Variants in MNAT1 observed in about 807,000 individuals in gnomAD.
MNAT1 encodes the protein CDK-activating kinase assembly factor MAT1.
MNAT1 carries 43 observed loss-of-function variants against 42.0 expected under a neutral mutation model. That is an observed-to-expected ratio of 1.02 (90% CI 0.80 to 1.32). MNAT1 has a LOEUF of 1.32. MNAT1 is among the 40% of genes most tolerant of loss of function. The pLI is 0.00. For synonymous variants in MNAT1, 118 were observed against 120.0 expected (o/e 0.98, Z 0.11); for missense variants, 306 against 350.4 (o/e 0.87, Z 1.01).
chr14:60,856,896 G>A (rs2033972942), intron 6 of MNAT1, among the ~76,000 whole-genome samples: 1 of 152,070 alleles, frequency 6.6e-6, no homozygotes, highest in African/African-American at 2.4e-5. Context: ...GGCCAGGCTG[G>A]TCTCGAACTC....
intron 7 of MNAT1, among the ~76,000 whole-genome samples, chr14:60,895,381 G>A (rs776445420): frequency 2.0e-5 from 3 of 152,162 alleles, no homozygotes; most frequent in East Asian, 1.9e-4. Context: ...CTGTTCATAA[G>A]GTATGAGGAT....
At chr14:60,891,889 C>T (rs909767453) in intron 7 of MNAT1, among the ~76,000 whole-genome samples, 5 of 152,000 alleles carry the variant, frequency 3.3e-5, no homozygotes, top group Admixed American at 6.6e-5. Context: ...ATTTTCCTTG[C>T]GATTTTTTTT....
chr14:60,779,483 T>C (rs2031368970), intron 1 of MNAT1, among the ~76,000 whole-genome samples: 1 of 152,102 alleles, frequency 6.6e-6, no homozygotes, highest in Non-Finnish European at 1.5e-5. Context: ...ACAAAATAAG[T>C]AGAATCCTTA....
At chr14:60,905,106 T>A (rs1172593633) in intron 7 of MNAT1, among the ~76,000 whole-genome samples, 10 of 151,842 alleles carry the variant, frequency 6.6e-5, no homozygotes, top group Admixed American at 1.3e-4. Flanking sequence ...AGCAAATAGT[T>A]ATGAAGTGCC....
chr14:60,947,649 C>T (rs993516275), intron 7 of MNAT1, among the ~76,000 whole-genome samples: 7 of 152,160 alleles, frequency 4.6e-5, no homozygotes, highest in Non-Finnish European at 1.0e-4. Flanking sequence ...TGCCACTGCA[C>T]TCCAGCCTCG....
intron 6 of MNAT1, among the ~76,000 whole-genome samples, chr14:60,845,228 G>A (rs1278195257): frequency 6.6e-6 from 1 of 151,832 alleles, no homozygotes; most frequent in Admixed American, 6.5e-5. Context: ...ATAGGGTTCA[G>A]TAGTGAAACC....
chr14:60,896,733 G>A (rs968279051), intron 7 of MNAT1, among the ~76,000 whole-genome samples: 1 of 151,988 alleles, frequency 6.6e-6, no homozygotes, highest in Non-Finnish European at 1.5e-5. Context: ...TGATCCACAC[G>A]CCTCAGCCTC....
chr14:60,950,610 T>C (rs2036362829), intron 7 of MNAT1, among the ~76,000 whole-genome samples: 1 of 152,204 alleles, frequency 6.6e-6, no homozygotes, highest in Non-Finnish European at 1.5e-5. Flanking sequence ...GTTTTATTTT[T>C]AGCTTATTAG....
At chr14:60,761,948 G>A (rs945269736) in intron 1 of MNAT1, among the ~76,000 whole-genome samples, 6 of 152,044 alleles carry the variant, frequency 3.9e-5, no homozygotes, top group East Asian at 1.9e-4. Flanking sequence ...TTAATGTCCC[G>A]GCTGTAAGTG....
chr14:60,944,650 A>T (rs1305155214), intron 7 of MNAT1, among the ~76,000 whole-genome samples: 1 of 152,194 alleles, frequency 6.6e-6, no homozygotes, highest in Non-Finnish European at 1.5e-5. Context: ...CAGGAAAGGT[A>T]TGTGGCCTGT....
At chr14:60,760,329 A>T (rs1176729580) in intron 1 of MNAT1, among the ~76,000 whole-genome samples, 6 of 151,326 alleles carry the variant, frequency 4.0e-5, no homozygotes, top group Non-Finnish European at 8.8e-5. Context: ...GCTCTTTCTA[A>T]TTTTTTTTTA....
At chr14:60,872,130 A>C (rs1409797004) in intron 6 of MNAT1, among the ~76,000 whole-genome samples, 1 of 152,160 alleles carries the variant, frequency 6.6e-6, no homozygotes, top group Non-Finnish European at 1.5e-5. Context: ...AGGCTGTATG[A>C]GGAAGCTTTT....
intron 7 of MNAT1, among the ~76,000 whole-genome samples, chr14:60,881,627 A>G (rs1054913245): frequency 3.3e-5 from 5 of 152,106 alleles, no homozygotes; most frequent in African/African-American, 1.2e-4. Flanking sequence ...TATTTAAGAT[A>G]GAGAAGATTT....
chr14:60,893,672 A>G (rs1271828310), intron 7 of MNAT1, among the ~76,000 whole-genome samples: 1 of 152,076 alleles, frequency 6.6e-6, no homozygotes, highest in African/African-American at 2.4e-5. Flanking sequence ...TCATCTAGTC[A>G]CAATTTATTG....
chr14:60,917,170 T>C (rs2035538653), intron 7 of MNAT1, among the ~76,000 whole-genome samples: 1 of 152,140 alleles, frequency 6.6e-6, no homozygotes, highest in African/African-American at 2.4e-5. Context: ...TTTTAAGGTC[T>C]AAGGGAAATT....
At chr14:60,945,364 A>G (rs2036250919) in intron 7 of MNAT1, among the ~76,000 whole-genome samples, 1 of 152,108 alleles carries the variant, frequency 6.6e-6, no homozygotes, top group African/African-American at 2.4e-5. Flanking sequence ...GAAAAAAAAA[A>G]TAGAGCATCT....
At chr14:60,854,127 G>A (rs142972938) in intron 6 of MNAT1, among the ~76,000 whole-genome samples, 67 of 152,242 alleles carry the variant, frequency 4.4e-4, no homozygotes, top group African/African-American at 1.5e-3. Flanking sequence ...CGAAGTTCTC[G>A]TGCTGTGTTT....
intron 6 of MNAT1, among the ~76,000 whole-genome samples, chr14:60,836,570 T>A (rs1025656122): frequency 6.6e-6 from 1 of 152,238 alleles, no homozygotes; most frequent in African/African-American, 2.4e-5. Flanking sequence ...CAGCGGAGGC[T>A]GCAGAACAGC....
At chr14:60,964,147 C>T (rs926993732) in intron 7 of MNAT1, among the ~76,000 whole-genome samples, 1 of 152,274 alleles carries the variant, frequency 6.6e-6, no homozygotes, top group East Asian at 1.9e-4. Flanking sequence ...TAAATTATTC[C>T]ACTTTCTTTG....
Sources: gnomAD v4.1 joint callset for allele counts (sites outside exome capture counted in the v4.1 genomes callset) on GRCh38, gnomAD v4.1.1 for gene constraint, MANE v1.5 for transcripts, NCBI Gene and HGNC (gene_info 2026-07-23, HGNC 2026-07-21) for gene names.